Variants in GARNL3 observed in about 807,000 individuals in gnomAD.
The protein encoded by GARNL3 is GTPase-activating Rap/Ran-GAP domain-like protein 3.
A neutral mutation model predicts 125.0 loss-of-function variants in GARNL3; 63 were observed. The ratio of observed to expected loss-of-function variants is 0.50; its 90% confidence interval spans 0.41 to 0.62. The LOEUF (loss-of-function observed/expected upper bound fraction) is 0.62, where lower values mean the gene tolerates loss of function less well. GARNL3 is among the 20% of genes least tolerant of loss of function. The pLI is 0.00. For synonymous variants in GARNL3, 439 were observed against 457.5 expected (o/e 0.96, Z 0.52); for missense variants, 994 against 1,244.0 (o/e 0.80, Z 3.02).
At chr9:127,243,032 C>T (rs964868933) in intron 1 of GARNL3, 1 of 1,299,304 alleles carries the variant, frequency 7.7e-7, no homozygotes, top group African/African-American at 1.5e-5. Flanking sequence ...GATTGGCCTG[C>T]CGTTCTTCTC....
At chr9:127,225,949 C>G (rs1401203543) in intron 1 of GARNL3, among the ~76,000 whole-genome samples, 2 of 152,190 alleles carry the variant, frequency 1.3e-5, no homozygotes, top group African/African-American at 2.4e-5. Context: ...GGCGCGTGCC[C>G]TCCCTCAGCT....
intron 5 of GARNL3, among the ~76,000 whole-genome samples, chr9:127,320,077 G>C (rs912927756): frequency 7.9e-5 from 12 of 152,142 alleles, no homozygotes; most frequent in African/African-American, 2.9e-4. Flanking sequence ...CTTTTTACCA[G>C]ATCTTTTTCC....
intron 2 of GARNL3, among the ~76,000 whole-genome samples, chr9:127,303,514 T>A (rs974562934): frequency 1.3e-5 from 2 of 152,140 alleles, no homozygotes; most frequent in African/African-American, 2.4e-5. Flanking sequence ...CTTTCATGCT[T>A]ACATTTGTAA....
chr9:127,291,206 T>C lies in GARNL3; in HGVS notation c.183T>C (p.Ala61=). Residue 61 remains alanine (A), a synonymous_variant, in exon 2 of 28, where the codon GCT becomes GCC. Coordinates refer to ENST00000373387, the MANE Select transcript of GARNL3 (RefSeq NM_032293.5). ...ATGCTGATGGAGCCATCCAAAGGGC[T>C]GGAAGATTCAGAGTGGAAAATGGCT... is the stretch of plus-strand genomic sequence containing the variant. The part of the protein sequence containing the change: ...SSDADGAIQR[A]GRFRVENGSS... 2 of 1,614,180 alleles carry C rather than the reference T, an allele frequency of 1.2e-6. No homozygotes were observed. The highest frequency in any genetic ancestry group is 1.7e-6 in the Non-Finnish European group (2 of 1,180,016).
chr9:127,335,981 C>T (rs1829531084), intron 10 of GARNL3, 147 bp from the exon 11 acceptor site: 1 of 619,496 alleles, frequency 1.6e-6, no homozygotes. Flanking sequence ...GCTGGCAAAA[C>T]ATGGGAAGCC....
intron 21 of GARNL3, chr9:127,362,711 G>A (rs1831077769): frequency 6.6e-6 from 1 of 152,204 alleles, no homozygotes; most frequent in African/African-American, 2.4e-5. Context: ...TCCTTTCTGG[G>A]GTCAGAGGAG....
chr9:127,393,396 G>A lies in GARNL3; in HGVS notation c.*142G>A, dbSNP rs2131855477. The A allele has an allele frequency of 7.9e-6, 5 of 632,382 alleles. No individual in the cohort carries two copies. The South Asian group carries it at 1.3e-4, about 16-fold the overall frequency. The allele number at this position is 632,382 out of a possible 1,614,324, so 39.2% of individuals were successfully genotyped here. A position where few individuals can be genotyped will look rare whatever the true frequency, so the allele number is the denominator to read the frequency against. On this transcript the variant is annotated 3_prime_UTR_variant, in exon 28 of 28. Coordinates refer to ENST00000373387, the MANE Select transcript of GARNL3 (RefSeq NM_032293.5). ...ACCAAACCTTCTGCACACTCGGCCA[G>A]TTCCCTCTCCAATGTCCGGTGCCAT...
At chr9:127,245,819 C>A (rs1181227903) in intron 2 of GARNL3, among the ~76,000 whole-genome samples, 16 of 152,202 alleles carry the variant, frequency 1.1e-4, no homozygotes. Flanking sequence ...TTCTGGGACG[C>A]ACCGCTTGGA....
chr9:127,252,923 A>T (rs1360883064), intron 2 of GARNL3, among the ~76,000 whole-genome samples: 1 of 152,238 alleles, frequency 6.6e-6, no homozygotes, highest in Non-Finnish European at 1.5e-5. Context: ...GTGAACTGAC[A>T]GCTAGTGAGC....
intron 19 of GARNL3, 38 bp downstream of exon 19, chr9:127,354,448 T>A: frequency 7.9e-7 from 1 of 1,270,178 alleles, no homozygotes; most frequent in South Asian, 1.3e-5. Context: ...TCGATTCGTT[T>A]TTTTTTTTCC....
At chr9:127,253,388 T>G (rs769047355) in intron 2 of GARNL3, among the ~76,000 whole-genome samples, 1 of 152,250 alleles carries the variant, frequency 6.6e-6, no homozygotes, top group African/African-American at 2.4e-5. Flanking sequence ...CTGGCTGGCT[T>G]GCTTGCATTC....
chr9:127,316,465 A>G (rs888409535), intron 4 of GARNL3, among the ~76,000 whole-genome samples: 1 of 152,226 alleles, frequency 6.6e-6, no homozygotes. Flanking sequence ...AGAGGGGCAG[A>G]TTCAAGACCA....
intron 22 of GARNL3, among the ~76,000 whole-genome samples, chr9:127,367,689 T>G (rs1024405855): frequency 6.6e-6 from 1 of 152,190 alleles, no homozygotes; most frequent in East Asian, 1.9e-4. Context: ...TGCAAGTAAT[T>G]TCAGTGCTAA....
At chr9:127,389,150 C>A (rs1832702045) in intron 26 of GARNL3, 31 bp downstream of exon 26, 2 of 1,479,986 alleles carry the variant, frequency 1.4e-6, no homozygotes, top group Non-Finnish European at 1.9e-6. Flanking sequence ...TTTCCACTGT[C>A]TGTGAACAGA....
Position 127,266,278 on chromosome 9 carries a change from C to T in GARNL3, c.144+1257C>T, listed in dbSNP as rs1588713027. The stretch of plus-strand genomic sequence containing the variant: ...CTGGCCAGGGGTCTCAGAGACACAC[C>T]ATGGAAGACCTTGCAGAGAGCTGTG... On this transcript the variant is annotated intron_variant, in intron 1 of 27. Coordinates refer to ENST00000373387, the MANE Select transcript of GARNL3 (RefSeq NM_032293.5). This position sits in a 1 kb window ranked among gnomAD's most constrained non-coding sequence, Gnocchi z 4.0. Among the ~76,000 whole-genome samples, 1 of 152,150 alleles carries T rather than the reference C, an allele frequency of 6.6e-6. No individual in the cohort carries two copies. Among genetic ancestry groups the T allele is most frequent in the African/African-American group, 2.4e-5 (1 of 41,428 alleles).
At chr9:127,270,074 T>G (rs556066487) in intron 1 of GARNL3, among the ~76,000 whole-genome samples, 1 of 152,332 alleles carries the variant, frequency 6.6e-6, no homozygotes, top group South Asian at 2.1e-4. Context: ...TTAGCTGTCT[T>G]TGAGCCATTT....
At chr9:127,329,771 C>T (rs1205705958) in intron 7 of GARNL3, among the ~76,000 whole-genome samples, 2 of 152,080 alleles carry the variant, frequency 1.3e-5, no homozygotes, top group Non-Finnish European at 2.9e-5. Context: ...CCGGTCCTAC[C>T]GTTCACTTAG....
chr9:127,257,631 T>TA (rs1200533708), intron 2 of GARNL3, among the ~76,000 whole-genome samples: 2 of 152,032 alleles, frequency 1.3e-5, no homozygotes, highest in East Asian at 3.9e-4. Flanking sequence ...TTTCCAGAAT[T>TA]AGAGAAAAGA....
At chr9:127,229,063 A>T (rs145552514) in intron 1 of GARNL3, among the ~76,000 whole-genome samples, 4,408 of 152,230 alleles carry the variant, frequency 0.029, 206 homozygotes, top group African/African-American at 0.1. Flanking sequence ...ACCTCAAGTG[A>T]TCCACCCGTC....
Sources: gnomAD v4.1 joint callset for allele counts (sites outside exome capture counted in the v4.1 genomes callset) on GRCh38, gnomAD v4.1.1 for gene constraint, Gnocchi (gnomAD v3.1) non-coding constraint, MANE v1.5 for transcripts, NCBI Gene and HGNC (gene_info 2026-07-23, HGNC 2026-07-21) for gene names.